AMPH: variants seen among roughly 807,000 people sequenced by gnomAD.
AMPH encodes the protein amphiphysin (Stiff-Mann syndrome with breast cancer 128kD autoantigen).
In AMPH, 49 loss-of-function variants were observed where a neutral mutation model predicts 99.1. The observed-to-expected ratio is 0.49, with a 90% CI of 0.39 to 0.63. The LOEUF is 0.63. Ranked by LOEUF, AMPH falls within the 20% of genes least tolerant of loss-of-function variation. The pLI is 0.00. For synonymous variants in AMPH, 314 were observed against 317.3 expected (o/e 0.99, Z 0.11); for missense variants, 759 against 863.4 (o/e 0.88, Z 1.52).
At chr7:38,585,160 C>T (rs1217706918) in intron 1 of AMPH, among the ~76,000 whole-genome samples, 1 of 152,132 alleles carries the variant, frequency 6.6e-6, no homozygotes, top group African/African-American at 2.4e-5. Context: ...ATCTCATTTC[C>T]CCTCACAAGA....
At chr7:38,429,595 G>T in intron 14 of AMPH, 1 of 1,447,028 alleles carries the variant, frequency 6.9e-7, no homozygotes, top group Non-Finnish European at 9.1e-7. Context: ...GTATGCAGAA[G>T]AGCAAAGGAA....
At chr7:38,608,912 C>A (rs1013134845) in intron 1 of AMPH, among the ~76,000 whole-genome samples, 1 of 152,184 alleles carries the variant, frequency 6.6e-6, no homozygotes, top group African/African-American at 2.4e-5. Flanking sequence ...AGCAACACAA[C>A]GGGCAGTTTA....
intron 1 of AMPH, among the ~76,000 whole-genome samples, chr7:38,544,818 CT>C (rs1463661842): frequency 1.3e-5 from 2 of 152,136 alleles, no homozygotes; most frequent in East Asian, 3.8e-4. Flanking sequence ...AGGGTTTATT[CT>C]TTCTTTTCTC....
intron 11 of AMPH, among the ~76,000 whole-genome samples, chr7:38,452,021 T>A (rs1787056822): frequency 6.6e-6 from 1 of 152,114 alleles, no homozygotes; most frequent in Non-Finnish European, 1.5e-5. Context: ...GTTTGGGCCA[T>A]TAGAGGGCTC....
chr7:38,557,347 T>C (rs12701633), intron 1 of AMPH, among the ~76,000 whole-genome samples: 34,631 of 152,156 alleles, frequency 0.23, 4,303 homozygotes, highest in East Asian at 0.27. Flanking sequence ...GCTCCCACAA[T>C]CCTCACATTT....
chr7:38,611,426 C>T (rs926839235), intron 1 of AMPH, among the ~76,000 whole-genome samples: 19 of 152,216 alleles, frequency 1.2e-4, no homozygotes, highest in African/African-American at 4.6e-4. Flanking sequence ...GTACTGTACA[C>T]TTCAGAATTT....
intron 16 of AMPH, chr7:38,421,150 G>A (rs936956212): frequency 2.3e-6 from 1 of 440,316 alleles, no homozygotes; most frequent in Non-Finnish European, 4.6e-6. Context: ...AGACAAGCAT[G>A]GAAGCTCCTA....
intron 17 of AMPH, among the ~76,000 whole-genome samples, chr7:38,414,076 A>G (rs73348864): frequency 0.02 from 3,122 of 152,344 alleles, 85 homozygotes; most frequent in African/African-American, 0.071. Flanking sequence ...TGACACCTAC[A>G]GAGGACTCAA....
chr7:38,509,978 T>C (rs1194062788), intron 2 of AMPH, among the ~76,000 whole-genome samples: 2 of 152,024 alleles, frequency 1.3e-5, no homozygotes. Context: ...GATGCACTGA[T>C]GGTAGAGAAG....
intron 17 of AMPH, among the ~76,000 whole-genome samples, chr7:38,403,037 C>T (rs569193760): frequency 4.6e-4 from 70 of 151,598 alleles, no homozygotes; most frequent in African/African-American, 1.6e-3. Context: ...AAAAATGCTC[C>T]AAGGTTTTTT....
intron 20 of AMPH, among the ~76,000 whole-genome samples, chr7:38,389,261 C>T (rs559780777): frequency 6.6e-6 from 1 of 152,322 alleles, no homozygotes; most frequent in African/African-American, 2.4e-5. Flanking sequence ...CAGTACCTTA[C>T]ATCAGACCAC....
At position 38,534,946 on chromosome 7, in the gene AMPH, G is replaced by A; in HGVS notation, c.135C>T (p.Asn45=). 6.2e-7 allele frequency: 1 copy of A among 1,613,990 alleles called. No homozygotes were observed. Among genetic ancestry groups the A allele is most frequent in the East Asian group, 2.2e-5 (1 of 44,860 alleles). The change falls in exon 2 of 21, where the codon AAC becomes AAT. Residue 45 remains asparagine, a synonymous_variant. Transcript: ENST00000356264. ...ATGGACTCACTTCTTGCCGTTTGAA[G>A]TTCTGGACATATTCTTCGAACTGTT... ...KDEQFEEYVQ[N]FKRQEAEGTR...
chr7:38,543,991 G>C lies in AMPH; in HGVS notation c.70-8980C>G, dbSNP rs189339707. The stretch of plus-strand genomic sequence containing the variant: ...TTACTCATTAATTAATGAGGAAACT[G>C]GTAAGATTCTAACCACTATACTATA... On this transcript the variant is annotated intron_variant, in intron 1 of 20. Coordinates refer to ENST00000356264, the MANE Select transcript of AMPH (RefSeq NM_001635.4). Among the ~76,000 whole-genome samples the C allele has an allele frequency of 1.2e-4, 18 of 152,232 alleles. No homozygotes were observed. The East Asian group carries it at 3.1e-3, about 26-fold the overall frequency.
chr7:38,565,360 T>G (rs927281067), intron 1 of AMPH, among the ~76,000 whole-genome samples: 3 of 152,126 alleles, frequency 2.0e-5, no homozygotes, highest in Admixed American at 6.5e-5. Context: ...AACACAAACA[T>G]GTACTTTCTC....
At chr7:38,595,541 G>A (rs1301024823) in intron 1 of AMPH, among the ~76,000 whole-genome samples, 1 of 152,028 alleles carries the variant, frequency 6.6e-6, no homozygotes, top group African/African-American at 2.4e-5. Context: ...TATCAATCAG[G>A]GTGTCCAGAA....
At chr7:38,475,459 T>G in intron 6 of AMPH, 43 bp from the exon 7 acceptor site, 1 of 1,286,756 alleles carries the variant, frequency 7.8e-7, no homozygotes, top group Non-Finnish European at 1.1e-6. Context: ...AGAAAGACCA[T>G]TTCTATACAC....
In AMPH at chr7:38,559,365, G is replaced by A. The variant is rs892123178; in HGVS notation, c.70-24354C>T. Among the ~76,000 whole-genome samples the A allele has an allele frequency of 3.3e-5, 5 of 152,194 alleles. No individual in the cohort carries two copies. In the East Asian group the frequency reaches 7.7e-4, roughly 23 times the overall value. On this transcript the variant is annotated intron_variant, in intron 1 of 20. Coordinates refer to ENST00000356264, the MANE Select transcript of AMPH (RefSeq NM_001635.4). ...GAGGTGTAAATCTAATTTTTAGGCC[G>A]GAGAACAACAGACAGTGGTTTCTAC...
chr7:38,612,854 T>A (rs1186088402), intron 1 of AMPH, among the ~76,000 whole-genome samples: 1 of 152,216 alleles, frequency 6.6e-6, no homozygotes, highest in Non-Finnish European at 1.5e-5. Flanking sequence ...GATATGTGGG[T>A]TATACACTTA....
intron 14 of AMPH, among the ~76,000 whole-genome samples, chr7:38,427,649 C>CTTTTTT (rs3056201): frequency 1.0e-4 from 14 of 137,362 alleles, no homozygotes; most frequent in African/African-American, 3.8e-4. Context: ...GATGCTGCTG[C>CTTTTTT]TTTTTTTTTT....
Sources: gnomAD v4.1 joint callset for allele counts (sites outside exome capture counted in the v4.1 genomes callset) on GRCh38, gnomAD v4.1.1 for gene constraint, MANE v1.5 for transcripts, NCBI Gene and HGNC (gene_info 2026-07-23, HGNC 2026-07-21) for gene names.